Variants in SGMS1 observed in about 807,000 individuals in gnomAD.
SGMS1 encodes the protein sphingomyelin synthase 1.
SGMS1 carries 13 observed loss-of-function variants against 46.2 expected under a neutral mutation model. That is an observed-to-expected ratio of 0.28 (90% CI 0.18 to 0.45). The LOEUF is 0.45. Among genes scored for constraint, SGMS1 ranks in the 20% least tolerant of loss-of-function variants. SGMS1 has a pLI of 1.00. For missense variants in SGMS1, 324 were observed against 519.9 expected (o/e 0.62, Z 3.66); for synonymous variants, 203 against 187.8 (o/e 1.08, Z -0.66).
chr10:50,610,808 A>G (rs1224968745), intron 1 of SGMS1, among the ~76,000 whole-genome samples: 1 of 152,158 alleles, frequency 6.6e-6, no homozygotes, highest in Non-Finnish European at 1.5e-5. Flanking sequence ...GACCCTTACC[A>G]AGAAAACTCC....
intron 6 of SGMS1, among the ~76,000 whole-genome samples, chr10:50,352,476 A>G (rs1410472378): frequency 6.9e-6 from 1 of 144,494 alleles, no homozygotes; most frequent in Admixed American, 6.8e-5. Context: ...AGAACTGGTA[A>G]TAATATAAGA....
chr10:50,387,466 T>C (rs1848698755), intron 6 of SGMS1, among the ~76,000 whole-genome samples: 1 of 152,194 alleles, frequency 6.6e-6, no homozygotes, highest in African/African-American at 2.4e-5. Flanking sequence ...GGACTTTCCC[T>C]CTTTATCGAA....
intron 7 of SGMS1, among the ~76,000 whole-genome samples, chr10:50,338,964 T>G (rs905337918): frequency 2.0e-5 from 3 of 152,052 alleles, no homozygotes; most frequent in African/African-American, 4.8e-5. Flanking sequence ...TCTCAAACTC[T>G]CAGCCTCAGG....
chr10:50,573,878 T>C (rs1490576185), intron 2 of SGMS1, among the ~76,000 whole-genome samples: 1 of 152,122 alleles, frequency 6.6e-6, no homozygotes, highest in African/African-American at 2.4e-5. Context: ...CATGTACATA[T>C]AGCCAATTGA....
At chr10:50,408,889 C>CA (rs1174397586) in intron 6 of SGMS1, among the ~76,000 whole-genome samples, 1 of 151,912 alleles carries the variant, frequency 6.6e-6, no homozygotes, top group Non-Finnish European at 1.5e-5. Context: ...CAAAACAAAA[C>CA]AAAAAAAGAT....
At chr10:50,534,910 A>G (rs546855045) in intron 2 of SGMS1, among the ~76,000 whole-genome samples, 2 of 152,344 alleles carry the variant, frequency 1.3e-5, no homozygotes, top group South Asian at 4.1e-4. Flanking sequence ...ACATGCAGAC[A>G]TTGCTAAGTG....
At chr10:50,327,145 G>T in intron 8 of SGMS1, 60 bp downstream of exon 8, 1 of 996,930 alleles carries the variant, frequency 1.0e-6, no homozygotes, top group Non-Finnish European at 1.6e-6. Flanking sequence ...CTCACTCAAA[G>T]GACCCCAGGG....
intron 2 of SGMS1, among the ~76,000 whole-genome samples, chr10:50,560,651 ATATAG>A (rs1436602671): frequency 1.3e-5 from 2 of 148,242 alleles, no homozygotes; most frequent in Admixed American, 6.8e-5. Flanking sequence ...ATAATATGTA[ATATAG>A]TATATGTTAC....
At chr10:50,505,207 C>G (rs960943612) in intron 3 of SGMS1, among the ~76,000 whole-genome samples, 1 of 152,040 alleles carries the variant, frequency 6.6e-6, no homozygotes, top group Non-Finnish European at 1.5e-5. Context: ...CAGAGTGAGA[C>G]CCTGTCTCAA....
intron 2 of SGMS1, among the ~76,000 whole-genome samples, chr10:50,561,342 G>A (rs1838234696): frequency 1.3e-5 from 2 of 152,190 alleles, no homozygotes; most frequent in Non-Finnish European, 2.9e-5. Context: ...GAGGCACTGA[G>A]TAATACAGCT....
chr10:50,532,387 T>G (rs941384272), intron 2 of SGMS1, among the ~76,000 whole-genome samples: 2 of 152,114 alleles, frequency 1.3e-5, no homozygotes, highest in East Asian at 1.9e-4. Flanking sequence ...TAAATAATTA[T>G]CTTACTTGTT....
chr10:50,308,951 C>A (rs561809829), intron 9 of SGMS1, among the ~76,000 whole-genome samples: 7 of 152,294 alleles, frequency 4.6e-5, no homozygotes, highest in Admixed American at 6.5e-5. Flanking sequence ...AACCAATATT[C>A]ATTGAGCCTC....
At chr10:50,484,274 C>CA (rs950912334) in intron 3 of SGMS1, among the ~76,000 whole-genome samples, 30 of 151,940 alleles carry the variant, frequency 2.0e-4, no homozygotes, top group African/African-American at 6.8e-4. Context: ...CACCTCTATG[C>CA]AAAAAAAATT....
In SGMS1 at chr10:50,589,052, A is replaced by G. The variant is rs115572277; in HGVS notation, c.-589+1101T>C. 3.7e-3 allele frequency among the ~76,000 whole-genome samples: 558 copies of G among 152,062 alleles called. 3 individuals are homozygous for G. Among genetic ancestry groups the G allele is most frequent in the African/African-American group, 0.013 (537 of 41,490 alleles). The stretch of plus-strand genomic sequence containing the variant: ...AGCCCTGGTCTATTTGTGAATCTTG[A>G]TCAGGGAGAAGGTGAGGCTGGTGAT... On this transcript the variant is annotated intron_variant, in intron 2 of 10. Transcript: ENST00000361781.
At chr10:50,325,186 T>A (rs1240204189) in intron 8 of SGMS1, among the ~76,000 whole-genome samples, 4 of 152,186 alleles carry the variant, frequency 2.6e-5, no homozygotes. Flanking sequence ...AGGAAACAAA[T>A]GTTGCAAATC....
At chr10:50,590,711 T>C (rs1838532549) in intron 1 of SGMS1, 1 of 152,192 alleles carries the variant, frequency 6.6e-6, no homozygotes, top group Admixed American at 6.5e-5. Context: ...AGCCTTACAG[T>C]GTAGTTACCA....
At chr10:50,365,949 A>G (rs1024308213) in intron 6 of SGMS1, among the ~76,000 whole-genome samples, 2 of 152,194 alleles carry the variant, frequency 1.3e-5, no homozygotes, top group African/African-American at 4.8e-5. Flanking sequence ...TATACCCAGT[A>G]ATATACTGGG....
rs140709627 is a variant in SGMS1, at chr10:50,326,440, G to T, written c.741+765C>A. ...TTCACCCACACAGGTATAATGCAAA[G>T]AAATGATCTCAAATACATCAGAGTA... is the stretch of plus-strand genomic sequence containing the variant. On this transcript the variant is annotated intron_variant, in intron 8 of 10. Coordinates refer to ENST00000361781, the MANE Select transcript of SGMS1 (RefSeq NM_147156.4). Among the ~76,000 whole-genome samples the T allele has an allele frequency of 3.6e-3, 545 of 152,276 alleles. 7 individuals are homozygous for T. Among genetic ancestry groups the T allele is most frequent in the African/African-American group, 0.013 (524 of 41,574 alleles).
intron 3 of SGMS1, among the ~76,000 whole-genome samples, chr10:50,489,051 G>A (rs1356334811): frequency 1.3e-5 from 2 of 152,094 alleles, no homozygotes; most frequent in Non-Finnish European, 2.9e-5. Context: ...ATATTCTACA[G>A]GCATACTATT....
Sources: allele counts gnomAD v4.1 joint callset (sites outside exome capture counted in the v4.1 genomes callset), GRCh38; gene constraint gnomAD v4.1.1; transcripts MANE v1.5; gene names NCBI Gene and HGNC (gene_info 2026-07-23, HGNC 2026-07-21).